TOGARAM2: variants seen among roughly 807,000 people sequenced by gnomAD.
TOGARAM2 encodes the protein TOG array regulator of axonemal microtubules 2.
In TOGARAM2, 85 loss-of-function variants were observed where a neutral mutation model predicts 93.3. The ratio of observed to expected loss-of-function variants is 0.91; its 90% CI spans 0.76 to 1.09. The LOEUF is 1.09. Ranked by LOEUF, TOGARAM2 falls within the 50% of genes least tolerant of loss-of-function variation. The probability of loss-of-function intolerance (pLI) is 0.00; values close to 1 mark genes in which losing one functional copy is unlikely to be tolerated. For synonymous variants in TOGARAM2, 593 were observed against 552.8 expected, an observed-to-expected ratio of 1.07 and a Z score of -1.02; for missense variants, 1,277 against 1,334.5, an observed-to-expected ratio of 0.96 and a Z score of 0.67.
chr2:29,033,221 A>C (rs1330533512), intron 15 of TOGARAM2, among the ~76,000 whole-genome samples, 170 bp downstream of exon 15: 1 of 152,080 alleles, frequency 6.6e-6, no homozygotes, highest in Non-Finnish European at 1.5e-5. Context: ...CTCTGTGCTC[A>C]CACCTGGTTC....
chr2:28,979,549 G>A (rs1672095684), upstream of TOGARAM2, among the ~76,000 whole-genome samples: 1 of 152,186 alleles, frequency 6.6e-6, no homozygotes, highest in Non-Finnish European at 1.5e-5. Context: ...GAACAAGCAG[G>A]GGGTTACCTG....
In TOGARAM2 at chr2:29,035,593, C is replaced by A; in HGVS notation, c.2355C>A (p.Gly785=). 1 of 1,586,716 alleles carries A rather than the reference C, an allele frequency of 6.3e-7. No homozygotes were observed. Among genetic ancestry groups the A allele is most frequent in the Non-Finnish European group, 8.6e-7 (1 of 1,165,892 alleles). The part of the protein sequence containing the change: ...EAKDFRSRME[G]VGQLLELCKA... The stretch of plus-strand genomic sequence containing the variant: ...AGGACTTCCGGTCCCGGATGGAAGG[C>A]GTGGGGCAGCTCCTGGAGCTCTGCA... Residue 785 remains glycine (G), a synonymous_variant, in exon 17 of 20, where the codon GGC becomes GGA. Coordinates refer to ENST00000379558, the MANE Select transcript of TOGARAM2 (RefSeq NM_199280.4).
chr2:29,036,455 G>A (rs1666114561), intron 17 of TOGARAM2, 86 bp from the exon 18 acceptor site: 2 of 1,308,688 alleles, frequency 1.5e-6, no homozygotes, highest in Admixed American at 1.8e-5. Flanking sequence ...GCTCAGTTGG[G>A]CCAGGTGAGC....
chr2:29,038,398 G>A (rs1666245130), intron 18 of TOGARAM2, among the ~76,000 whole-genome samples: 1 of 152,186 alleles, frequency 6.6e-6, no homozygotes, highest in African/African-American at 2.4e-5. Context: ...GGCCCTCAAA[G>A]GGATGAATGG....
chr2:29,006,928 T>C (rs12466397), intron 6 of TOGARAM2, among the ~76,000 whole-genome samples: 112,076 of 151,964 alleles, frequency 0.74, 42,836 homozygotes, highest in Non-Finnish European at 0.85. Flanking sequence ...CTCTTATCTC[T>C]TTACTCTTGA....
rs776375767 is a variant in TOGARAM2, at chr2:29,014,575, GGGA to G, written c.1044+24_1044+26del. 1.9e-6 allele frequency: 3 copies of G among 1,559,538 alleles called. No individual in the cohort carries two copies. Among genetic ancestry groups the G allele is most frequent in the Non-Finnish European group, 1.7e-6 (2 of 1,151,018 alleles). On this transcript the variant is annotated intron_variant, in intron 8 of 19. Coordinates refer to ENST00000379558, the MANE Select transcript of TOGARAM2 (RefSeq NM_199280.4). ...ATCGGCACCAAGGTACCTGGGGAGC[GGGA>G]GGAGGAGGAAGTGGGGCTGGAGTGG...
intron 19 of TOGARAM2, chr2:29,050,887 T>TGAA (rs1667023367): frequency 6.6e-6 from 1 of 152,386 alleles, no homozygotes; most frequent in Non-Finnish European, 1.5e-5. Flanking sequence ...ACTCAGGTGA[T>TGAA]GAAGAGCTGG....
rs184442000 is a variant in TOGARAM2 at position 29,042,658 on chromosome 2, C to T, written c.2636-2666C>T. Among the ~76,000 whole-genome samples, 25 of 152,326 alleles carry T rather than the reference C, an allele frequency of 1.6e-4. No individual in the cohort carries two copies. In the South Asian group the frequency reaches 2.3e-3, roughly 14 times the overall value. On this transcript the variant is annotated intron_variant, in intron 18 of 19. Transcript: ENST00000379558. The stretch of plus-strand genomic sequence containing the variant: ...TGCTTAGTCTGTTGGCTCCCACACA[C>T]AGCTGCGCCGGCTCTCCCTTGCCTT...
intron 7 of TOGARAM2, among the ~76,000 whole-genome samples, chr2:29,013,580 A>G (rs1201321200): frequency 6.6e-6 from 1 of 152,202 alleles, no homozygotes; most frequent in East Asian, 1.9e-4. Context: ...TCCAAAGGCC[A>G]AAGAACCTGG....
chr2:29,015,272 G>A (rs1055572665), intron 8 of TOGARAM2, among the ~76,000 whole-genome samples: 2 of 152,156 alleles, frequency 1.3e-5, no homozygotes, highest in African/African-American at 4.8e-5. Context: ...TCAGTGCAGC[G>A]AAACGAGCTG....
chr2:29,043,366 T>G (rs1666550057), intron 18 of TOGARAM2, among the ~76,000 whole-genome samples: 1 of 152,182 alleles, frequency 6.6e-6, no homozygotes, highest in Non-Finnish European at 1.5e-5. Context: ...TAGATAAACT[T>G]GTGCCTGATG....
Position 29,033,175 on chromosome 2 carries a change from C to G in TOGARAM2, c.2130+124C>G, listed in dbSNP as rs1665877021. The G allele has an allele frequency of 5.1e-6, 4 of 778,536 alleles. No individual in the cohort carries two copies. The South Asian group carries it at 6.8e-5, about 13-fold the overall frequency. The allele number at this position is 778,536 out of a possible 1,614,324, so 48.2% of individuals were successfully genotyped here. A position where few individuals can be genotyped will look rare whatever the true frequency, so the allele number is the denominator to read the frequency against. On this transcript the variant is annotated intron_variant, in intron 15 of 19. Coordinates refer to ENST00000379558, the MANE Select transcript of TOGARAM2 (RefSeq NM_199280.4). ...ATTCCAGAGATGTTGATTTCATCCA[C>G]TACTCCTGATAGGTGAGATAGATGT... is the stretch of plus-strand genomic sequence containing the variant.
upstream of TOGARAM2, among the ~76,000 whole-genome samples, chr2:28,979,091 G>T (rs534295193): frequency 4.3e-4 from 65 of 152,292 alleles, no homozygotes; most frequent in Middle Eastern, 3.4e-3. Context: ...AGAGCTTCCA[G>T]GTGGCAGCCT....
At chr2:29,037,769 T>G (rs1334525815) in intron 18 of TOGARAM2, among the ~76,000 whole-genome samples, 2 of 152,244 alleles carry the variant, frequency 1.3e-5, no homozygotes, top group African/African-American at 4.8e-5. Context: ...ATTTATGATT[T>G]GCTGAGTTTG....
chr2:29,049,111 C>G (rs185070138), intron 19 of TOGARAM2: 1 of 151,422 alleles, frequency 6.6e-6, no homozygotes, highest in African/African-American at 2.4e-5. Context: ...GTGATCCACC[C>G]GCCTTGGCCT....
intron 18 of TOGARAM2, among the ~76,000 whole-genome samples, chr2:29,037,180 G>A (rs1666166676): frequency 6.6e-6 from 1 of 152,076 alleles, no homozygotes; most frequent in Admixed American, 6.5e-5. Flanking sequence ...TGGGAGCTAT[G>A]GAAGAGCCAT....
rs141862653 is a variant in TOGARAM2 at position 28,985,359 on chromosome 2, T to G, written c.-111+3821T>G. Among the ~76,000 whole-genome samples, 697 of 152,262 alleles carry G rather than the reference T, an allele frequency of 4.6e-3. 4 individuals are homozygous for G. The highest frequency in any genetic ancestry group is 0.015 in the African/African-American group (622 of 41,534). On this transcript the variant is annotated intron_variant, in intron 1 of 19. Coordinates refer to ENST00000379558, the MANE Select transcript of TOGARAM2 (RefSeq NM_199280.4). ...TTTTTTTTTGTTTTGCTTTTCATTT[T>G]TTTGTTTTGTTTTTGTTTTTGTTTT...
At chr2:29,021,171 C>T (rs1324389925) in intron 10 of TOGARAM2, among the ~76,000 whole-genome samples, 1 of 152,186 alleles carries the variant, frequency 6.6e-6, no homozygotes, top group African/African-American at 2.4e-5. Context: ...GCCTTGGCCT[C>T]CCAAAGTGCT....
At chr2:29,048,445 G>A (rs565561612) in intron 19 of TOGARAM2, 6 of 152,176 alleles carry the variant, frequency 3.9e-5, no homozygotes, top group Admixed American at 6.5e-5. Context: ...GTCATCTTCC[G>A]AACTGTTACC....
Sources: gnomAD v4.1 joint callset for allele counts (sites outside exome capture counted in the v4.1 genomes callset) on GRCh38, gnomAD v4.1.1 for gene constraint, MANE v1.5 for transcripts, NCBI Gene and HGNC (gene_info 2026-07-23, HGNC 2026-07-21) for gene names.